The following RGS6 variants were observed in gnomAD, a reference collection of about 807,000 sequenced individuals.
The protein encoded by RGS6 is regulator of G-protein signaling 6.
In RGS6, 30 loss-of-function variants were observed where a neutral mutation model predicts 78.5. That is an observed-to-expected ratio of 0.38 (90% CI 0.29 to 0.52). RGS6 has a LOEUF of 0.52. Among genes scored for constraint, RGS6 ranks in the 20% least tolerant of loss-of-function variants. RGS6 has a pLI of 0.85. For missense variants in RGS6, 495 were observed against 609.7 expected, an observed-to-expected ratio of 0.81 and a Z score of 1.98; for synonymous variants, 206 against 206.0, an observed-to-expected ratio of 1.00 and a Z score of 0.00.
chr14:72,196,004 T>C (rs1325742065), intron 2 of RGS6, among the ~76,000 whole-genome samples: 7 of 152,054 alleles, frequency 4.6e-5, no homozygotes, highest in Admixed American at 4.6e-4. Flanking sequence ...TGTAAATAGT[T>C]TGGGGAGCAG....
At chr14:72,342,714 A>G (rs1440317405) in intron 2 of RGS6, among the ~76,000 whole-genome samples, 1 of 125,946 alleles carries the variant, frequency 7.9e-6, no homozygotes, top group African/African-American at 3.1e-5. Flanking sequence ...TGTGCAACAG[A>G]GGCTTTGTCT....
At chr14:72,619,856 G>GCTGTTC in the RGS6 span, 1 of 1,476,944 alleles carries the variant, frequency 6.8e-7, no homozygotes, top group Non-Finnish European at 9.1e-7. Flanking sequence ...AGTGCTAGTA[G>GCTGTTC]TAGTAGTATC....
intron 2 of RGS6, among the ~76,000 whole-genome samples, chr14:72,204,111 A>G (rs939866772): frequency 1.3e-5 from 2 of 152,196 alleles, no homozygotes; most frequent in Admixed American, 6.5e-5. Flanking sequence ...GGCATGAGCC[A>G]CCACACCTGG....
intron 12 of RGS6, 135 bp downstream of exon 12, chr14:72,478,464 A>T (rs1166390382): frequency 1.5e-6 from 1 of 654,656 alleles, no homozygotes; most frequent in Non-Finnish European, 2.7e-6. Context: ...GTGCAGAAAA[A>T]CCCACAGGCT....
At chr14:72,520,764 G>C (rs2097026236) in intron 15 of RGS6, among the ~76,000 whole-genome samples, 1 of 152,198 alleles carries the variant, frequency 6.6e-6, no homozygotes, top group Non-Finnish European at 1.5e-5. Context: ...AAACTCATGA[G>C]TTTAAACATA....
chr14:72,058,748 G>A (rs1222319549), intron 2 of RGS6, among the ~76,000 whole-genome samples: 1 of 152,080 alleles, frequency 6.6e-6, no homozygotes, highest in East Asian at 1.9e-4. Context: ...GTGATGTTGT[G>A]TCAATTATCT....
At chr14:71,944,022 T>C (rs2091073803) in intron 1 of RGS6, among the ~76,000 whole-genome samples, 1 of 152,224 alleles carries the variant, frequency 6.6e-6, no homozygotes, top group South Asian at 2.1e-4. Context: ...ACTGTCATCC[T>C]AGTTTCACAT....
intron 2 of RGS6, among the ~76,000 whole-genome samples, chr14:72,042,420 C>T (rs1019747860): frequency 3.3e-5 from 5 of 152,106 alleles, no homozygotes; most frequent in South Asian, 2.1e-4. Flanking sequence ...TGAGCCACCG[C>T]ACCCAGCCTC....
chr14:72,265,852 G>T (rs2058962963), intron 2 of RGS6, among the ~76,000 whole-genome samples: 1 of 146,570 alleles, frequency 6.8e-6, no homozygotes, highest in Non-Finnish European at 1.5e-5. Flanking sequence ...TCAGCCTCCG[G>T]TTTCTTCCTT....
At chr14:72,292,432 C>T (rs1006340585) in intron 2 of RGS6, among the ~76,000 whole-genome samples, 9 of 152,258 alleles carry the variant, frequency 5.9e-5, no homozygotes, top group South Asian at 4.2e-4. Flanking sequence ...GGCAAGTGAA[C>T]GATGGAATTA....
At chr14:72,582,297 T>A in the RGS6 span, among the ~76,000 whole-genome samples, 3 of 152,186 alleles carry the variant, frequency 2.0e-5, no homozygotes, top group Non-Finnish European at 2.9e-5. Flanking sequence ...TATTAATCCG[T>A]AATACCTATC....
At chr14:72,216,743 G>A (rs949233946) in intron 2 of RGS6, among the ~76,000 whole-genome samples, 3 of 152,090 alleles carry the variant, frequency 2.0e-5, no homozygotes, top group Admixed American at 6.6e-5. Context: ...ACGGCGCTGA[G>A]GTGTGTGTTT....
the RGS6 span, among the ~76,000 whole-genome samples, chr14:72,608,472 A>T: frequency 2.0e-5 from 3 of 152,090 alleles, no homozygotes; most frequent in African/African-American, 7.2e-5. Flanking sequence ...GCTGAGAGAA[A>T]AGAAGCAATG....
intron 2 of RGS6, among the ~76,000 whole-genome samples, chr14:72,219,865 G>C (rs550343468): frequency 6.6e-6 from 1 of 152,082 alleles, no homozygotes; most frequent in Non-Finnish European, 1.5e-5. Flanking sequence ...TCTAGTGTTA[G>C]GCAGGGGTCT....
chr14:72,144,695 C>T (rs572014114), intron 2 of RGS6, among the ~76,000 whole-genome samples: 3 of 152,092 alleles, frequency 2.0e-5, no homozygotes, highest in South Asian at 4.2e-4. Flanking sequence ...AAAGAAGACA[C>T]CATTCCTGCT....
intron 2 of RGS6, among the ~76,000 whole-genome samples, chr14:72,101,862 C>T (rs2095535209): frequency 6.6e-6 from 1 of 152,204 alleles, no homozygotes; most frequent in Admixed American, 6.5e-5. Context: ...TTTTAAAAGA[C>T]TAGGACATTC....
intron 2 of RGS6, among the ~76,000 whole-genome samples, chr14:72,346,996 C>T (rs1051551712): frequency 2.0e-5 from 3 of 152,182 alleles, no homozygotes; most frequent in Non-Finnish European, 2.9e-5. Flanking sequence ...CTTTGAGCTC[C>T]TTGAAGAAGG....
Position 72,360,024 on chromosome 14 carries a change from G to A in RGS6, c.184+7830G>A, listed in dbSNP as rs569599037. Among the ~76,000 whole-genome samples, 11 of 152,104 alleles carry A rather than the reference G, an allele frequency of 7.2e-5. No individual in the cohort carries two copies. The East Asian group carries it at 2.1e-3, about 29-fold the overall frequency. On this transcript the variant is annotated intron_variant, in intron 3 of 17. Transcript: ENST00000553525. ...AGTCATATCTAGAGGGGTACGTTAG[G>A]TCAGAACAGGTAGATTTTTAATTTA... is the stretch of plus-strand genomic sequence containing the variant.
At chr14:71,940,729 A>G (rs1013252955) in intron 1 of RGS6, among the ~76,000 whole-genome samples, 3 of 152,202 alleles carry the variant, frequency 2.0e-5, no homozygotes, top group Non-Finnish European at 4.4e-5. Flanking sequence ...CCACCATTAG[A>G]TCTGACATAC....
Sources: gnomAD v4.1 joint callset for allele counts (sites outside exome capture counted in the v4.1 genomes callset) on GRCh38, gnomAD v4.1.1 for gene constraint, MANE v1.5 for transcripts, NCBI Gene and HGNC (gene_info 2026-07-23, HGNC 2026-07-21) for gene names.